KIF1A: variants seen among roughly 807,000 people sequenced by gnomAD.
KIF1A encodes kinesin-like protein KIF1A.
In KIF1A, 46 loss-of-function variants were observed where a neutral mutation model predicts 227.3. That is an observed-to-expected ratio of 0.20 (90% CI 0.16 to 0.26). The LOEUF (loss-of-function observed/expected upper bound fraction) is 0.26. Ranked by LOEUF, KIF1A falls within the 10% of genes least tolerant of loss-of-function variation. The pLI, the probability that KIF1A is intolerant of heterozygous loss-of-function variation, is 1.00. For synonymous variants in KIF1A, 1,022 were observed against 1,012.8 expected, an observed-to-expected ratio of 1.01 and a Z score of -0.17; for missense variants, 1,683 against 2,485.9, an observed-to-expected ratio of 0.68 and a Z score of 6.87.
chr2:240,805,887 A>G (rs867715205), intron 1 of KIF1A, among the ~76,000 whole-genome samples: 37 of 152,382 alleles, frequency 2.4e-4, no homozygotes, highest in African/African-American at 8.4e-4. Context: ...AGGAAAAATC[A>G]TGATGAAAAT....
rs1354271059 is a variant in KIF1A, at chr2:240,760,760, G to A, written c.2349C>T (p.Asp783=). 3 of 1,602,614 alleles carry A rather than the reference G, an allele frequency of 1.9e-6. No homozygotes were observed. Among genetic ancestry groups the A allele is most frequent in the Non-Finnish European group, 2.6e-6 (3 of 1,175,136 alleles). The change falls in exon 25 of 49, where the codon GAC becomes GAT. Residue 783 remains aspartate (D), a synonymous_variant. Coordinates refer to ENST00000498729, the MANE Select transcript of KIF1A (RefSeq NM_001244008.2). ...PDLLPPEAAK[D]RETRPFPRTI... is the part of the protein sequence containing the mutation. Reference sequence around the variant, plus strand: ...TGCGGGGGAAGGGCCGCGTCTCTCGGTCTTTGGCGGCCTCTGGGGGCAGCA... The same window carrying A: ...TGCGGGGGAAGGGCCGCGTCTCTCGATCTTTGGCGGCCTCTGGGGGCAGCA...
intron 1 of KIF1A, among the ~76,000 whole-genome samples, chr2:240,798,311 A>C (rs1351632666): frequency 6.6e-6 from 1 of 152,272 alleles, no homozygotes; most frequent in East Asian, 1.9e-4. Flanking sequence ...TGGTCTCTGA[A>C]TTAGCAAGAA....
chr2:240,722,469 T>A lies in KIF1A; in HGVS notation c.4652A>T (p.Glu1551Val). The stretch of plus-strand genomic sequence containing the variant: ...AGCTGGACCCACCTTGACGGCCAGC[T>A]CCCGCTGCCTCTCGTTGGGAGCCTC... The part of the protein sequence containing the change: ...PLEAPNERQR[E>V]LAVKCLRLLT... The change falls in exon 43 of 49, where the codon GAG becomes GTG. Residue 1551 changes from glutamate to valine, a missense_variant. Glu to Val is a moderately radical substitution (Grantham distance 121). Around this residue, in one of 12 missense-constraint regions of KIF1A, gnomAD observed 384 missense variants for 410.1 expected, o/e 0.94. Transcript: ENST00000498729. 6.5e-7 allele frequency: 1 copy of A among 1,546,202 alleles called. No individual in the cohort carries two copies. Among genetic ancestry groups the A allele is most frequent in the Non-Finnish European group, 8.7e-7 (1 of 1,146,648 alleles).
intron 10 of KIF1A, among the ~76,000 whole-genome samples, chr2:240,780,890 ACACACACACAGCTC>A: frequency 7.5e-6 from 1 of 133,912 alleles, no homozygotes. Context: ...AGCTCCACAC[ACACACACACAGCTC>A]CACACACACA....
rs2125608548 is a variant in KIF1A at position 240,723,982 on chromosome 2, G to T, written c.4311C>A (p.Gly1437=). 6.2e-7 allele frequency: 1 copy of T among 1,612,318 alleles called. No individual in the cohort carries two copies. The highest frequency in any genetic ancestry group is 1.3e-5 in the African/African-American group (1 of 75,024). Residue 1437 remains glycine (G), a synonymous_variant, in exon 41 of 49, where the codon GGC becomes GGA. Transcript: ENST00000498729. ...ELSLCHVADA[G]SPGMQRRRRR... ...AGCAGGGCAGATACCTACCTGGGCT[G>T]CCCGCGTCAGCCACGTGGCACAGGC...
intron 2 of KIF1A, among the ~76,000 whole-genome samples, chr2:240,797,379 T>C (rs1220736086): frequency 6.6e-6 from 1 of 152,132 alleles, no homozygotes; most frequent in Non-Finnish European, 1.5e-5. Flanking sequence ...AGGTCCTCCC[T>C]AGGAGCTCAG....
chr2:240,731,912 G>C (rs2046667226), intron 38 of KIF1A, among the ~76,000 whole-genome samples: 1 of 132,776 alleles, frequency 7.5e-6, no homozygotes, highest in Admixed American at 7.3e-5. Flanking sequence ...AGGGGAGGAG[G>C]GGAGGAGGGG....
chr2:240,760,895 A>G (rs2050434947), intron 24 of KIF1A, 52 bp from the exon 25 acceptor site: 2 of 1,524,956 alleles, frequency 1.3e-6, no homozygotes, highest in Non-Finnish European at 1.8e-6. Context: ...ACAGGGTGCC[A>G]GGTCCCCAAA....
intron 2 of KIF1A, among the ~76,000 whole-genome samples, chr2:240,795,209 G>C (rs567697628): frequency 2.0e-5 from 3 of 152,182 alleles, no homozygotes; most frequent in African/African-American, 7.2e-5. Context: ...GGCTTGCCTA[G>C]ACTTCTGCTC....
chr2:240,747,192 C>G (rs576744826), intron 29 of KIF1A, 44 bp downstream of exon 29: 7 of 1,472,830 alleles, frequency 4.8e-6, no homozygotes, highest in Non-Finnish European at 5.7e-6. Flanking sequence ...CTCCAGTGAG[C>G]GCCAGGCACC....
chr2:240,745,394 G>T, intron 32 of KIF1A, 33 bp downstream of exon 32: 1 of 1,512,650 alleles, frequency 6.6e-7, no homozygotes, highest in Non-Finnish European at 9.2e-7. Flanking sequence ...GTCAGTCAGT[G>T]GCAGGGATGG....
chr2:240,719,517 C>G (rs1361714856), intron 46 of KIF1A, among the ~76,000 whole-genome samples: 1 of 152,246 alleles, frequency 6.6e-6, no homozygotes, highest in Non-Finnish European at 1.5e-5. Context: ...CTGACCCCAC[C>G]CACTCCCCTG....
chr2:240,758,647 C>T lies in KIF1A; in HGVS notation c.2445-150G>A. On this transcript the variant is annotated intron_variant, in intron 25 of 48. Transcript: ENST00000498729. The surrounding 1 kb of genome is among the most constrained non-coding windows in gnomAD (Gnocchi z 5.2). ...ATCAAGGTCCAGGGGGCTTGCTAGACAGACCCCCTCTGTGACCCTTAGAGC... is the reference window on the plus strand; with the variant it reads ...ATCAAGGTCCAGGGGGCTTGCTAGATAGACCCCCTCTGTGACCCTTAGAGC... 2.6e-6 allele frequency: 2 copies of T among 758,604 alleles called. No homozygotes were observed. The highest frequency in any genetic ancestry group is 3.8e-6 in the Non-Finnish European group (2 of 521,164). The allele number at this position is 758,604 out of a possible 1,614,324, so 47.0% of individuals were successfully genotyped here. A position where few individuals can be genotyped will look rare whatever the true frequency, so the allele number is the denominator to read the frequency against.
At chr2:240,745,662 C>A in intron 31 of KIF1A, 76 bp downstream of exon 31, 1 of 1,549,870 alleles carries the variant, frequency 6.5e-7, no homozygotes. Flanking sequence ...CTGCTCCCTG[C>A]CCAGCACCCA....
chr2:240,786,800 G>GCCAGTATCAGGACCC (rs1559530222), intron 5 of KIF1A, among the ~76,000 whole-genome samples: 47 of 143,084 alleles, frequency 3.3e-4, no homozygotes, highest in African/African-American at 1.3e-3. Context: ...GGGGGTGGGG[G>GCCAGTATCAGGACCC]CTGCCATCAG....
At position 240,817,684 on chromosome 2, in the gene KIF1A, G is replaced by A. The variant is rs777194471; in HGVS notation, c.-61+2438C>T. The stretch of plus-strand genomic sequence containing the variant: ...GCTCTGTGGGAACGTCTCCCTTCCC[G>A]TCCCCACCACACCCAGTTCACCTGC... On this transcript the variant is annotated intron_variant, in intron 1 of 48. Transcript: ENST00000498729. Among the ~76,000 whole-genome samples the A allele has an allele frequency of 1.3e-4, 20 of 152,232 alleles. No homozygotes were observed. The East Asian group carries it at 2.5e-3, about 19-fold the overall frequency.
chr2:240,750,823 G>A (rs1384022863), intron 27 of KIF1A, among the ~76,000 whole-genome samples: 1 of 152,204 alleles, frequency 6.6e-6, no homozygotes. Context: ...CTGGCTGCCT[G>A]AGAAGGGAGC....
At chr2:240,804,568 A>C (rs910897448) in intron 1 of KIF1A, among the ~76,000 whole-genome samples, 7 of 152,192 alleles carry the variant, frequency 4.6e-5, no homozygotes, top group Non-Finnish European at 7.3e-5. Flanking sequence ...AGAGACAAAA[A>C]GTGATGACTG....
rs767250339 is a variant in KIF1A, at chr2:240,721,142, G to A, written c.4744-104C>T. 1.2e-5 allele frequency: 17 copies of A among 1,431,350 alleles called. No homozygotes were observed. In the South Asian group the frequency reaches 1.6e-4, roughly 14 times the overall value. The allele number at this position is 1,431,350 out of a possible 1,614,324, so 88.7% of individuals were successfully genotyped here. A position where few individuals can be genotyped will look rare whatever the true frequency, so the allele number is the denominator to read the frequency against. On this transcript the variant is annotated intron_variant, in intron 44 of 48. Coordinates refer to ENST00000498729, the MANE Select transcript of KIF1A (RefSeq NM_001244008.2). Reference sequence around the variant, plus strand: ...CGCTTACCCCACACCTGCTGCTTAGGGCACCCCACCCCTCCTACCAGCAGC... The same window carrying A: ...CGCTTACCCCACACCTGCTGCTTAGAGCACCCCACCCCTCCTACCAGCAGC...
Sources: gnomAD v4.1 joint callset for allele counts (sites outside exome capture counted in the v4.1 genomes callset) on GRCh38, gnomAD v4.1.1 for gene constraint, gnomAD v4.1.1 regional missense constraint, Gnocchi (gnomAD v3.1) non-coding constraint, MANE v1.5 for transcripts, NCBI Gene and HGNC (gene_info 2026-07-23, HGNC 2026-07-21) for gene names.